The following IL1RAPL2 variants were observed in gnomAD, a reference collection of about 807,000 sequenced individuals.
IL1RAPL2 encodes the protein X-linked interleukin-1 receptor accessory protein-like 2.
In IL1RAPL2, 3 loss-of-function variants were observed where a neutral mutation model predicts 44.1. The ratio of observed to expected loss-of-function variants is 0.07; its 90% CI spans 0.03 to 0.18. The LOEUF (loss-of-function observed/expected upper bound fraction) is 0.18, where lower values mean the gene tolerates loss of function less well. Among genes scored for constraint, IL1RAPL2 ranks in the 10% least tolerant of loss-of-function variants. The pLI is 1.00. For synonymous variants in IL1RAPL2, 181 were observed against 178.8 expected, an observed-to-expected ratio of 1.01 and a Z score of -0.10; for missense variants, 391 against 496.4, an observed-to-expected ratio of 0.79 and a Z score of 2.02.
intron 1 of IL1RAPL2, among the ~76,000 whole-genome samples, chrX:104,637,218 GT>G (rs1008981636): frequency 9.0e-6 from 1 of 111,276 alleles, no homozygotes; most frequent in African/African-American, 3.3e-5. Flanking sequence ...AGATCTGATA[GT>G]TTTTTGGTAG....
chrX:105,316,045 C>T (rs189954738), intron 5 of IL1RAPL2, among the ~76,000 whole-genome samples: 5 of 110,727 alleles, frequency 4.5e-5, no homozygotes, highest in African/African-American at 6.6e-5. Context: ...AGGCCAAGGA[C>T]GGCGGATCAC....
chrX:104,635,351 G>T (rs1346452572), intron 1 of IL1RAPL2, among the ~76,000 whole-genome samples: 1 of 109,969 alleles, frequency 9.1e-6, no homozygotes, highest in African/African-American at 3.3e-5. Flanking sequence ...GAGTATCTTT[G>T]TGGCGTTCTC....
intron 2 of IL1RAPL2, among the ~76,000 whole-genome samples, chrX:105,162,308 A>G (rs1455534672): frequency 8.9e-6 from 1 of 112,195 alleles, no homozygotes; most frequent in African/African-American, 3.2e-5. Context: ...ATAAGGCCCC[A>G]TAGAAATGGA....
chrX:104,964,744 C>T (rs191637609), intron 2 of IL1RAPL2, among the ~76,000 whole-genome samples: 1 of 111,371 alleles, frequency 9.0e-6, no homozygotes, highest in Non-Finnish European at 1.9e-5. Flanking sequence ...TACTAGATGT[C>T]CTAGAAACCC....
At chrX:105,416,463 C>T (rs750897088) in intron 5 of IL1RAPL2, among the ~76,000 whole-genome samples, 3 of 111,968 alleles carry the variant, frequency 2.7e-5, no homozygotes, top group Non-Finnish European at 3.8e-5. Flanking sequence ...AGTTACCTAA[C>T]GTCTCTGTCC....
chrX:104,889,986 T>C (rs1480787636), intron 2 of IL1RAPL2, among the ~76,000 whole-genome samples: 1 of 110,765 alleles, frequency 9.0e-6, no homozygotes, highest in East Asian at 2.9e-4. Flanking sequence ...TGTGTGATGT[T>C]CCCCTTCCTG....
intron 6 of IL1RAPL2, among the ~76,000 whole-genome samples, chrX:105,532,598 TTAAA>T (rs1359173467): frequency 9.0e-6 from 1 of 110,908 alleles, no homozygotes; most frequent in Non-Finnish European, 1.9e-5. Context: ...ATGTATGTAT[TTAAA>T]TATGTAAAAT....
chrX:105,557,220 A>G (rs2036902605), intron 6 of IL1RAPL2, among the ~76,000 whole-genome samples: 1 of 111,801 alleles, frequency 8.9e-6, no homozygotes, highest in South Asian at 3.7e-4. Context: ...CTTTCTCTGC[A>G]TTTCTATTAG....
At chrX:105,505,790 G>T (rs149464270) in intron 6 of IL1RAPL2, among the ~76,000 whole-genome samples, 10 of 111,355 alleles carry the variant, frequency 9.0e-5, no homozygotes, top group Non-Finnish European at 1.3e-4. Flanking sequence ...AATAATTGTA[G>T]ACTTACAGAA....
chrX:105,219,419 A>G (rs1453902900), intron 3 of IL1RAPL2: 1 of 1,206,859 alleles, frequency 8.3e-7, no homozygotes, highest in African/African-American at 1.8e-5. Context: ...TGCCCCCAAT[A>G]GGTGTACTTT....
At chrX:105,450,698 A>G (rs887129096) in intron 5 of IL1RAPL2, among the ~76,000 whole-genome samples, 1 of 111,799 alleles carries the variant, frequency 8.9e-6, no homozygotes, top group Non-Finnish European at 1.9e-5. Context: ...GTTTGCAAGA[A>G]AATCAACTTT....
chrX:105,066,790 G>T (rs149358722), intron 2 of IL1RAPL2, among the ~76,000 whole-genome samples: 5,141 of 111,517 alleles, frequency 0.046, 343 homozygotes, highest in African/African-American at 0.16. Context: ...ATATTACAGT[G>T]AACTTTGCTT....
chrX:105,412,342 A>ATATATATATATATATAT (rs2035703572), intron 5 of IL1RAPL2, among the ~76,000 whole-genome samples: 1 of 102,357 alleles, frequency 9.8e-6, no homozygotes, highest in Non-Finnish European at 2.0e-5. Flanking sequence ...ATATATATAC[A>ATATATATATATATATAT]ATGGAATACT....
chrX:105,731,390 G>T (rs2038404915), intron 7 of IL1RAPL2, among the ~76,000 whole-genome samples: 1 of 110,307 alleles, frequency 9.1e-6, no homozygotes, highest in African/African-American at 3.3e-5. Flanking sequence ...TCCCAACAAA[G>T]AAAACAGTAT....
rs773895035 is a variant in IL1RAPL2, at chrX:105,369,632, G to T, written c.697+102091G>T. ...AGACTGCTCATTTTGAACCTGGGGA[G>T]ATAGCTGCTGAATGTTTGTAATTTT... On this transcript the variant is annotated intron_variant, in intron 5 of 10. Coordinates refer to ENST00000372582, the MANE Select transcript of IL1RAPL2 (RefSeq NM_017416.2). Among the ~76,000 whole-genome samples the T allele has an allele frequency of 1.0e-3, 114 of 111,652 alleles. No individual in the cohort carries two copies. The Middle Eastern group carries it at 0.014, about 13-fold the overall frequency.
chrX:105,602,508 A>G (rs369879354), intron 6 of IL1RAPL2, among the ~76,000 whole-genome samples: 3 of 111,400 alleles, frequency 2.7e-5, no homozygotes, highest in East Asian at 5.7e-4. Flanking sequence ...GAAAGGCATA[A>G]AAAACCCATT....
chrX:105,520,799 C>T (rs2036549240), intron 6 of IL1RAPL2, among the ~76,000 whole-genome samples: 2 of 110,626 alleles, frequency 1.8e-5, no homozygotes, highest in African/African-American at 6.6e-5. Context: ...GCTTATACTC[C>T]TCCATTAGAT....
intron 6 of IL1RAPL2, among the ~76,000 whole-genome samples, chrX:105,516,597 C>T (rs766513978): frequency 8.2e-4 from 92 of 111,993 alleles, no homozygotes; most frequent in African/African-American, 2.8e-3. Flanking sequence ...AAATGAAAAT[C>T]TCTTTGAAAA....
chrX:105,088,108 T>A (rs2032500311), intron 2 of IL1RAPL2, among the ~76,000 whole-genome samples: 2 of 112,143 alleles, frequency 1.8e-5, no homozygotes, highest in Admixed American at 1.9e-4. Flanking sequence ...TGTTAAACTC[T>A]TCCAGAAAAG....
Sources: allele counts gnomAD v4.1 joint callset (sites outside exome capture counted in the v4.1 genomes callset), GRCh38; gene constraint gnomAD v4.1.1; transcripts MANE v1.5; gene names NCBI Gene and HGNC (gene_info 2026-07-23, HGNC 2026-07-21).